The following PKD1 variants were observed in gnomAD, a reference collection of about 807,000 sequenced individuals.
PKD1 encodes the protein polycystin 1, transient receptor potential channel interacting.
In PKD1, 81 loss-of-function variants were observed where a neutral mutation model predicts 361.7. That is an observed-to-expected ratio of 0.22 (90% CI 0.19 to 0.27). The LOEUF (loss-of-function observed/expected upper bound fraction) is 0.27. Among genes scored for constraint, PKD1 ranks in the 10% least tolerant of loss-of-function variants. PKD1 has a pLI of 1.00. For missense variants in PKD1, 6,399 were observed against 6,118.3 expected (o/e 1.05, Z -1.53); for synonymous variants, 3,615 against 2,818.3 (o/e 1.28, Z -8.95).
In PKD1 at chr16:2,092,943, G is replaced by C. The variant is rs1028896527; in HGVS notation, c.11156+11C>G. 1.2e-6 allele frequency: 2 copies of C among 1,612,858 alleles called. No homozygotes were observed. Among genetic ancestry groups the C allele is most frequent in the Admixed American group, 1.7e-5 (1 of 60,004 alleles). On this transcript the variant is annotated intron_variant, in intron 38 of 45. Transcript: ENST00000262304. ...GCCCAGAAGACAGACCAGTGCACCGGATGCCCGTACCGCGTGATGGCCAGG... is the reference window on the plus strand; with the variant it reads ...GCCCAGAAGACAGACCAGTGCACCGCATGCCCGTACCGCGTGATGGCCAGG...
chr16:2,094,153 C>T lies in PKD1; in HGVS notation c.10557G>A (p.Leu3519=), dbSNP rs2091739305. 6.2e-7 allele frequency: 1 copy of T among 1,601,200 alleles called. No homozygotes were observed. Among genetic ancestry groups the T allele is most frequent in the Non-Finnish European group, 8.5e-7 (1 of 1,174,126 alleles). Residue 3519 remains leucine, a synonymous_variant, in exon 35 of 46, where the codon CTG becomes CTA. Coordinates refer to ENST00000262304, the MANE Select transcript of PKD1 (RefSeq NM_001009944.3). The part of the protein sequence containing the change: ...ETLALQRLGE[L]GPPSPGLNWE... The stretch of plus-strand genomic sequence containing the variant: ...AGTTCAGGCCTGGGCTGGGTGGCCC[C>T]AGCTCCCCCAGCCTCTGCAGCGCCA...
rs375489838 is a variant in PKD1 at position 2,112,866 on chromosome 16, G to A, written c.3083C>T (p.Pro1028Leu). ...CGTGGCATTGGGGGACAGCACGGCC[G>A]GCACTGTGGAGACCTGCAGACCCTG... ...RMQGLQVSTV[P>L]AVLSPNATLA... is the part of the protein sequence containing the mutation. Residue 1028 changes from proline to leucine, a missense_variant, in exon 13 of 46, where the codon CCG becomes CTG. Pro to Leu is a moderately conservative substitution (Grantham distance 98). Coordinates refer to ENST00000262304, the MANE Select transcript of PKD1 (RefSeq NM_001009944.3). The A allele has an allele frequency of 4.4e-6, 7 of 1,606,438 alleles. No homozygotes were observed. The highest frequency in any genetic ancestry group is 5.1e-6 in the Non-Finnish European group (6 of 1,179,634).
rs1463720739 is a variant in PKD1, at chr16:2,089,841, C to A, written c.12798G>T (p.Leu4266=). The part of the protein sequence containing the change: ...AGSSRGPSPG[L]RPALPSRLAR... ...CAAGGCGGCTGGGCAGTGCTGGCCG[C>A]AGGCCCGGGGATGGGCCACGGGAAG... The change falls in exon 46 of 46, where the codon CTG becomes CTT. Residue 4266 remains leucine (L), a synonymous_variant. Transcript: ENST00000262304. 4 of 1,605,378 alleles carry A rather than the reference C, an allele frequency of 2.5e-6. No homozygotes were observed. The African/African-American group carries it at 4.0e-5, about 16-fold the overall frequency.
At chr16:2,127,511 C>A (rs1284607454) in intron 1 of PKD1, among the ~76,000 whole-genome samples, 1 of 152,210 alleles carries the variant, frequency 6.6e-6, no homozygotes, top group African/African-American at 2.4e-5. Context: ...GGTCTAAGCA[C>A]AGGCACAGTG....
In PKD1 at chr16:2,107,987, T is replaced by A; in HGVS notation, c.6961A>T (p.Ser2321Cys). 1 of 1,548,268 alleles carries A rather than the reference T, an allele frequency of 6.5e-7. No individual in the cohort carries two copies. Among genetic ancestry groups the A allele is most frequent in the Non-Finnish European group, 8.7e-7 (1 of 1,147,130 alleles). The change falls in exon 16 of 46, where the codon AGC becomes TGC. Residue 2321 changes from serine (S) to cysteine (C), a missense_variant. Coordinates refer to ENST00000262304, the MANE Select transcript of PKD1 (RefSeq NM_001009944.3). ...CALNFGPRGS[S>C]TVTIPRERLA... Reference sequence around the variant, plus strand: ...CGCTCCCGTGGAATGGTGACCGTGCTGCTCCCGCGGGGCCCAAAGTTCAGC... The same window carrying A: ...CGCTCCCGTGGAATGGTGACCGTGCAGCTCCCGCGGGGCCCAAAGTTCAGC...
At position 2,102,214 on chromosome 16, in the gene PKD1, C is replaced by A. The variant is rs2092123581; in HGVS notation, c.9244G>T (p.Ala3082Ser). ...ACCATGTAGGTCACCAGGCACACAG[C>A]ACATGTCAGCATGACGATGTAGTTT... The part of the protein sequence containing the change: ...DVNYIVMLTC[A>S]VCLVTYMVMA... Residue 3082 changes from alanine (A) to serine (S), a missense_variant, in exon 26 of 46, where the codon GCT becomes TCT. By Grantham distance (99) the Ala-to-Ser change is moderately conservative. Transcript: ENST00000262304. 6.6e-7 allele frequency: 1 copy of A among 1,519,222 alleles called. No homozygotes were observed. The highest frequency in any genetic ancestry group is 1.1e-5 in the South Asian group (1 of 88,946). The allele number at this position is 1,519,222 out of a possible 1,614,324, so 94.1% of individuals were successfully genotyped here. A position where few individuals can be genotyped will look rare whatever the true frequency, so the allele number is the denominator to read the frequency against.
chr16:2,135,339 G>C (rs1046299120), intron 1 of PKD1, 136 bp downstream of exon 1: 1 of 1,072,834 alleles, frequency 9.3e-7, no homozygotes, highest in Non-Finnish European at 1.1e-6. Flanking sequence ...TTATTTAGCA[G>C]GGCCGCCGTG....
chr16:2,120,242 A>G (rs2092699372), intron 1 of PKD1: 1 of 208,564 alleles, frequency 4.8e-6, no homozygotes, highest in African/African-American at 2.3e-5. Flanking sequence ...ATAATTAATA[A>G]ATAAAACATC....
At chr16:2,101,980 G>A (rs561052460) in intron 26 of PKD1, 81 bp downstream of exon 26, 79 of 852,464 alleles carry the variant, frequency 9.3e-5, no homozygotes, top group East Asian at 4.2e-4. Flanking sequence ...TGACGCCTGC[G>A]ACGAGACTCA....
At chr16:2,105,214 CA>C (rs2092296387) in intron 21 of PKD1, 107 bp downstream of exon 21, 1 of 1,068,900 alleles carries the variant, frequency 9.4e-7, no homozygotes, top group African/African-American at 1.6e-5. Flanking sequence ...GGAAGGAGCC[CA>C]GGCTGGAGGC....
At position 2,106,018 on chromosome 16, in the gene PKD1, C is replaced by CA. The variant is rs756220277; in HGVS notation, c.7709dup (p.Leu2570PhefsTer25). 6.2e-7 allele frequency: 1 copy of CA among 1,606,148 alleles called. No homozygotes were observed. The highest frequency in any genetic ancestry group is 1.3e-5 in the African/African-American group (1 of 74,656). Reference sequence around the variant, plus strand: ...CGTTGGGCTCTGGGAGGGTGATGGCCAAAGACCTACGAGCAGAGGGGGGTG... The same window carrying CA: ...CGTTGGGCTCTGGGAGGGTGATGGCCAAAAGACCTACGAGCAGAGGGGGGTG... On this transcript the variant is annotated frameshift_variant, in exon 20 of 46. Coordinates refer to ENST00000262304, the MANE Select transcript of PKD1 (RefSeq NM_001009944.3). LOFTEE classifies it high-confidence loss of function. The surrounding 1 kb of genome is among the most constrained non-coding windows in gnomAD (Gnocchi z 6.5).
chr16:2,097,234 G>A lies in PKD1; in HGVS notation c.10413C>T (p.Asp3471=). Residue 3471 remains aspartate, a synonymous_variant, in exon 34 of 46, where the codon GAC becomes GAT. Transcript: ENST00000262304. The part of the protein sequence containing the change: ...PAKSFSASDE[D]LIQQVLAEGV... ...CCTCGGCAAGGACCTGCTGGATCAG[G>A]TCTTCATCTAGAGGTACAGGAGGCA... is the stretch of plus-strand genomic sequence containing the variant. 1 of 1,585,810 alleles carries A rather than the reference G, an allele frequency of 6.3e-7. No individual in the cohort carries two copies. The highest frequency in any genetic ancestry group is 8.6e-7 in the Non-Finnish European group (1 of 1,166,114).
In PKD1 at chr16:2,102,746, C is replaced by T. The variant is rs546884180; in HGVS notation, c.8948+68G>A. On this transcript the variant is annotated intron_variant, in intron 24 of 45. Transcript: ENST00000262304. ...TCGCTGCCTGCCGTCCCCATGGGGC[C>T]AGTAACCCAGGCAATGCTGACCCAT... The T allele has an allele frequency of 6.6e-5, 106 of 1,605,964 alleles. No homozygotes were observed. In the African/African-American group the frequency reaches 1.3e-3, roughly 19 times the overall value.
intron 1 of PKD1, among the ~76,000 whole-genome samples, chr16:2,124,908 C>A (rs1213905151): frequency 6.6e-6 from 1 of 152,200 alleles, no homozygotes; most frequent in African/African-American, 2.4e-5. Context: ...TGCCAGGCCC[C>A]GTCCTCTCCT....
chr16:2,104,354 G>T, intron 22 of PKD1, 144 bp downstream of exon 22: 1 of 531,222 alleles, frequency 1.9e-6, no homozygotes, highest in African/African-American at 2.9e-5. Flanking sequence ...GGGAATTGGG[G>T]GAGGGGGATG....
In PKD1 at chr16:2,107,873, C is replaced by T. The variant is rs539995198; in HGVS notation, c.7065+10G>A. On this transcript the variant is annotated intron_variant, in intron 16 of 45. Coordinates refer to ENST00000262304, the MANE Select transcript of PKD1 (RefSeq NM_001009944.3). ...CCAAGGCAAGTGGCCGAGGGGCGGG[C>T]GGCACCCACCGTCTGGTTGGTGGCC... The T allele has an allele frequency of 1.2e-4, 187 of 1,541,880 alleles. No individual in the cohort carries two copies. The African/African-American group carries it at 1.8e-3, about 14-fold the overall frequency.
chr16:2,123,090 C>A (rs2092747666), intron 1 of PKD1, among the ~76,000 whole-genome samples: 1 of 152,190 alleles, frequency 6.6e-6, no homozygotes, highest in African/African-American at 2.4e-5. Context: ...CACTGTGAAC[C>A]AGGCCTGGGG....
chr16:2,093,507 CG>C, intron 37 of PKD1, 36 bp downstream of exon 37: 4 of 1,560,820 alleles, frequency 2.6e-6, no homozygotes, highest in Non-Finnish European at 3.5e-6. Flanking sequence ...AGACAAGAGA[CG>C]GAGGTGGCAG....
In PKD1 at chr16:2,103,760, G is replaced by T; in HGVS notation, c.8297C>A (p.Ser2766Tyr). ...CAGGGGCTCCTCGTTGAGCACGCGG[G>T]AGCGCATGAGGATGCGCATGAGGGC... ...TSALMRILMR[S>Y]RVLNEEPLTL... Residue 2766 changes from serine to tyrosine, a missense_variant, in exon 23 of 46, where the codon TCC becomes TAC. Physicochemically the swap from Ser to Tyr is moderately radical, Grantham distance 144. Transcript: ENST00000262304. 1 of 1,609,984 alleles carries T rather than the reference G, an allele frequency of 6.2e-7. No individual in the cohort carries two copies. The highest frequency in any genetic ancestry group is 1.1e-5 in the South Asian group (1 of 90,956).
Sources: allele counts gnomAD v4.1 joint callset (sites outside exome capture counted in the v4.1 genomes callset), GRCh38; gene constraint gnomAD v4.1.1; non-coding constraint Gnocchi (gnomAD v3.1); transcripts MANE v1.5; gene names NCBI Gene and HGNC (gene_info 2026-07-23, HGNC 2026-07-21).